The following CORO2B variants were observed in gnomAD, a reference collection of about 807,000 sequenced individuals.
CORO2B encodes the protein coronin-2B.
Under a neutral mutation model 58.8 loss-of-function variants are expected in CORO2B, and 26 were observed. The observed-to-expected ratio is 0.44, with a 90% confidence interval of 0.32 to 0.61. The LOEUF is 0.61. CORO2B is among the 20% of genes least tolerant of loss of function. CORO2B has a pLI of 0.04. For synonymous variants in CORO2B, 242 were observed against 253.8 expected (o/e 0.95, Z 0.44); for missense variants, 460 against 645.1 (o/e 0.71, Z 3.11).
At chr15:68,643,223 T>G (rs570221948) in intron 1 of CORO2B, among the ~76,000 whole-genome samples, 4 of 152,162 alleles carry the variant, frequency 2.6e-5, no homozygotes, top group Non-Finnish European at 5.9e-5. Flanking sequence ...TTGGGAATAG[T>G]TGGTGTCCTG....
At chr15:68,718,618 C>A in intron 8 of CORO2B, 80 bp from the exon 9 acceptor site, 1 of 1,249,088 alleles carries the variant, frequency 8.0e-7, no homozygotes, top group Non-Finnish European at 1.2e-6. Flanking sequence ...AGCCTTTCCC[C>A]TGGCCCAGAA....
chr15:68,565,252 G>C, the CORO2B span, among the ~76,000 whole-genome samples: 25 of 151,408 alleles, frequency 1.7e-4, no homozygotes, highest in Non-Finnish European at 2.9e-4. Context: ...CTCCTGTTTT[G>C]AAAAACAGTA....
At chr15:68,563,313 C>A in the CORO2B span, among the ~76,000 whole-genome samples, 1 of 151,740 alleles carries the variant, frequency 6.6e-6, no homozygotes, top group African/African-American at 2.4e-5. Flanking sequence ...TATAGTGAGA[C>A]TACATCCCTA....
chr15:68,687,990 G>A (rs1266534350), intron 2 of CORO2B, among the ~76,000 whole-genome samples: 2 of 152,196 alleles, frequency 1.3e-5, no homozygotes, highest in African/African-American at 2.4e-5. Flanking sequence ...TGGGGAACAT[G>A]TTCAAGCCAT....
chr15:68,695,365 C>A lies in CORO2B; in HGVS notation c.333+109C>A. ...CCTCCACCCTTTGCCCTTCTTCCCT[C>A]CTCTTTGTCATCTTTCCAGCAAGCC... On this transcript the variant is annotated intron_variant, in intron 3 of 11. Coordinates refer to ENST00000261861, the MANE Select transcript of CORO2B (RefSeq NM_006091.5). 7 of 793,022 alleles carry A rather than the reference C, an allele frequency of 8.8e-6. No homozygotes were observed. The South Asian group carries it at 1.0e-4, about 12-fold the overall frequency. 49.1% of individuals were successfully genotyped at this position (793,022 alleles called of 1,614,324 possible). A position where few individuals can be genotyped will look rare whatever the true frequency, so the allele number is the denominator to read the frequency against.
At chr15:68,531,332 TACAAAAA>T in the CORO2B span, among the ~76,000 whole-genome samples, 3 of 8,530 alleles carry the variant, frequency 3.5e-4, no homozygotes, top group African/African-American at 1.0e-3. Context: ...AATACAAAAA[TACAAAAA>T]ACAAAAAACA....
intron 2 of CORO2B, among the ~76,000 whole-genome samples, chr15:68,663,612 G>A (rs1333919179): frequency 6.6e-6 from 1 of 152,106 alleles, no homozygotes; most frequent in Non-Finnish European, 1.5e-5. Flanking sequence ...TTTGCTCATC[G>A]AAAGATTCAT....
At chr15:68,633,956 C>T (rs1427807460) in intron 1 of CORO2B, among the ~76,000 whole-genome samples, 1 of 152,230 alleles carries the variant, frequency 6.6e-6, no homozygotes, top group Admixed American at 6.5e-5. Flanking sequence ...AGGGGCCAGG[C>T]CAGGCACTCT....
Position 68,645,348 on chromosome 15 carries a change from C to G in CORO2B, c.204C>G (p.Ile68Met). 1.2e-6 allele frequency: 2 copies of G among 1,611,234 alleles called. No individual in the cohort carries two copies. The highest frequency in any genetic ancestry group is 1.7e-6 in the Non-Finnish European group (2 of 1,179,930). ...CAGGGGGCGGCTCCTTCCTCGTCAT[C>G]CCCCTGGAGCAGGTAGGTGGCCCCT... ...ESAGGGSFLV[I>M]PLEQTGRIEP... Residue 68 changes from isoleucine (I) to methionine (M), a missense_variant, in exon 2 of 12, where the codon ATC (isoleucine) becomes ATG (methionine). Coordinates refer to ENST00000261861, the MANE Select transcript of CORO2B (RefSeq NM_006091.5). The surrounding 1 kb of genome is among the most constrained non-coding windows in gnomAD (Gnocchi z 4.5).
the CORO2B span, among the ~76,000 whole-genome samples, chr15:68,535,527 AATT>A: frequency 0.11 from 16,954 of 151,930 alleles, 981 homozygotes; most frequent in Middle Eastern, 0.14. Context: ...ATGTTGTTCT[AATT>A]ATTATTATTA....
Position 68,709,624 on chromosome 15 carries a change from T to G in CORO2B, c.334-1108T>G, listed in dbSNP as rs1892868015. Among the ~76,000 whole-genome samples, 3 of 152,090 alleles carry G rather than the reference T, an allele frequency of 2.0e-5. No homozygotes were observed. In the South Asian group the frequency reaches 6.2e-4, roughly 32 times the overall value. On this transcript the variant is annotated intron_variant, in intron 3 of 11. Transcript: ENST00000261861. ...AGCGTGCGCCACTACACCCGGCTAATTTTTGTTTCTTTGGTAGAGGCACGG... is the reference window on the plus strand; with the variant it reads ...AGCGTGCGCCACTACACCCGGCTAAGTTTTGTTTCTTTGGTAGAGGCACGG...
chr15:68,659,853 G>A (rs1019281580), intron 2 of CORO2B, among the ~76,000 whole-genome samples: 2 of 152,172 alleles, frequency 1.3e-5, no homozygotes, highest in Non-Finnish European at 2.9e-5. Flanking sequence ...AGAATCACTC[G>A]AACCCGGGAG....
intron 1 of CORO2B, among the ~76,000 whole-genome samples, chr15:68,604,619 T>TAA (rs58032591): frequency 0.012 from 1,690 of 145,742 alleles, 44 homozygotes; most frequent in African/African-American, 0.04. Flanking sequence ...AGTTGTGATT[T>TAA]AAAAAAAAAA....
intron 1 of CORO2B, among the ~76,000 whole-genome samples, chr15:68,615,684 G>A (rs1315157749): frequency 2.0e-5 from 3 of 152,160 alleles, no homozygotes; most frequent in Non-Finnish European, 2.9e-5. Flanking sequence ...CCCCTGAGAG[G>A]CCCTTGTGTC....
At chr15:68,597,936 G>A (rs1213938931) in intron 1 of CORO2B, among the ~76,000 whole-genome samples, 1 of 152,226 alleles carries the variant, frequency 6.6e-6, no homozygotes, top group Non-Finnish European at 1.5e-5. Context: ...GATGCAGGGT[G>A]ACGTTTTGGA....
intron 1 of CORO2B, 96 bp downstream of exon 1, chr15:68,579,373 GGCGCCGGTGCCGGGAAGGTGCGGCGC>G (rs1320944120): frequency 7.9e-6 from 9 of 1,140,664 alleles, no homozygotes; most frequent in Non-Finnish European, 4.4e-6. Flanking sequence ...GTGGGGAGGG[GGCGCCGGTGCCGGGAAGGTGCGGCGC>G]GCGCCTCTCT....
At chr15:68,719,101 AG>A in intron 9 of CORO2B, 42 bp from the exon 10 acceptor site, 1 of 1,465,294 alleles carries the variant, frequency 6.8e-7, no homozygotes, top group Non-Finnish European at 9.6e-7. Context: ...GGGCTTTCCC[AG>A]CAGCCCCCCA....
At chr15:68,720,294 G>T (rs771692203) in intron 11 of CORO2B, among the ~76,000 whole-genome samples, 2 of 152,196 alleles carry the variant, frequency 1.3e-5, no homozygotes, top group Admixed American at 1.3e-4. Context: ...ATGGAAAGCT[G>T]TGAGCATTAA....
At chr15:68,695,562 G>A (rs1892490762) in intron 3 of CORO2B, among the ~76,000 whole-genome samples, 2 of 152,198 alleles carry the variant, frequency 1.3e-5, no homozygotes, top group African/African-American at 4.8e-5. Flanking sequence ...GCTGTCTAAA[G>A]AAGGGCAAGG....
Sources: allele counts gnomAD v4.1 joint callset (sites outside exome capture counted in the v4.1 genomes callset), GRCh38; gene constraint gnomAD v4.1.1; non-coding constraint Gnocchi (gnomAD v3.1); transcripts MANE v1.5; gene names NCBI Gene and HGNC (gene_info 2026-07-23, HGNC 2026-07-21).